ICA1: variants seen among roughly 807,000 people sequenced by gnomAD.
ICA1 encodes the protein islet cell autoantigen 1, also known as 69 kDa islet cell autoantigen.
In ICA1, 40 loss-of-function variants were observed where a neutral mutation model predicts 71.0. That is an observed-to-expected ratio of 0.56 (90% CI 0.44 to 0.73). The LOEUF (loss-of-function observed/expected upper bound fraction) is 0.73. ICA1 is among the 30% of genes least tolerant of loss of function. The probability of loss-of-function intolerance (pLI) is 0.00; values close to 1 mark genes in which losing one functional copy is unlikely to be tolerated. For missense variants in ICA1, 578 were observed against 576.5 expected (o/e 1.00, Z -0.03); for synonymous variants, 207 against 209.5 (o/e 0.99, Z 0.10).
intron 6 of ICA1, among the ~76,000 whole-genome samples, chr7:8,203,055 G>T (rs567382602): frequency 1.5e-4 from 23 of 152,250 alleles, no homozygotes; most frequent in Admixed American, 5.2e-4. Flanking sequence ...CTAACCTGGG[G>T]CTCCATTCTA....
At chr7:8,137,798 G>A (rs980531651) in intron 12 of ICA1, among the ~76,000 whole-genome samples, 1 of 152,222 alleles carries the variant, frequency 6.6e-6, no homozygotes, top group Non-Finnish European at 1.5e-5. Context: ...TGCTAGAGGT[G>A]CGGTGCCTTT....
intron 12 of ICA1, among the ~76,000 whole-genome samples, chr7:8,134,274 A>C (rs1226473403): frequency 1.3e-5 from 2 of 152,188 alleles, no homozygotes; most frequent in African/African-American, 4.8e-5. Flanking sequence ...TCCTGAACCA[A>C]TGAGCAATAT....
intron 12 of ICA1, among the ~76,000 whole-genome samples, chr7:8,133,528 C>T (rs767999290): frequency 2.6e-5 from 4 of 152,242 alleles, no homozygotes; most frequent in African/African-American, 9.6e-5. Context: ...GGATTACAGG[C>T]ATGAGCCCTT....
intron 2 of ICA1, 122 bp from the exon 3 acceptor site, chr7:8,232,877 C>T (rs983298702): frequency 2.1e-5 from 17 of 797,888 alleles, no homozygotes; most frequent in Admixed American, 3.4e-5. Flanking sequence ...CATTGATAAA[C>T]GTATGAGCAC....
At chr7:8,153,960 C>G (rs1488395163) in intron 8 of ICA1, among the ~76,000 whole-genome samples, 1 of 151,004 alleles carries the variant, frequency 6.6e-6, no homozygotes, top group Non-Finnish European at 1.5e-5. Context: ...AGTTTCTCTG[C>G]CTTAAACTTG....
intron 4 of ICA1, among the ~76,000 whole-genome samples, chr7:8,225,192 T>C (rs1798241744): frequency 6.6e-6 from 1 of 152,198 alleles, no homozygotes; most frequent in African/African-American, 2.4e-5. Context: ...CACTGTGGTG[T>C]TTGCCTAATG....
chr7:8,206,915 G>A (rs111661505), intron 6 of ICA1, among the ~76,000 whole-genome samples: 1,585 of 152,134 alleles, frequency 0.01, 22 homozygotes, highest in African/African-American at 0.036. Flanking sequence ...AAGTCCGTTC[G>A]CCTGAACCTC....
intron 6 of ICA1, among the ~76,000 whole-genome samples, chr7:8,212,536 G>C (rs185810665): frequency 3.9e-4 from 59 of 152,272 alleles, no homozygotes; most frequent in Non-Finnish European, 7.1e-4. Context: ...CTGCACTCCA[G>C]CCTGGGAGAC....
intron 13 of ICA1, among the ~76,000 whole-genome samples, chr7:8,127,536 G>A (rs966731715): frequency 1.3e-5 from 2 of 152,168 alleles, no homozygotes; most frequent in East Asian, 1.9e-4. Flanking sequence ...GGAACGTGGT[G>A]AACTCAGGGC....
chr7:8,136,680 TGA>T (rs1793537748), intron 12 of ICA1, among the ~76,000 whole-genome samples: 1 of 152,182 alleles, frequency 6.6e-6, no homozygotes. Context: ...TGACTTTAAC[TGA>T]GACAATGTGC....
At chr7:8,237,455 T>C (rs951609596) in intron 1 of ICA1, among the ~76,000 whole-genome samples, 1 of 152,224 alleles carries the variant, frequency 6.6e-6, no homozygotes, top group African/African-American at 2.4e-5. Flanking sequence ...ATTTTTATTA[T>C]GGTAAAAAAG....
chr7:8,169,705 A>G (rs1807545696), intron 6 of ICA1, among the ~76,000 whole-genome samples: 1 of 152,104 alleles, frequency 6.6e-6, no homozygotes, highest in South Asian at 2.1e-4. Flanking sequence ...TCTTTTTATT[A>G]CTGAATTTTA....
chr7:8,124,362 G>A (rs560093447), intron 13 of ICA1, among the ~76,000 whole-genome samples: 34 of 150,290 alleles, frequency 2.3e-4, no homozygotes, highest in African/African-American at 7.4e-4. Flanking sequence ...CTCATGATCC[G>A]CCCACCTCGG....
At chr7:8,124,622 A>T (rs1381628854) in intron 13 of ICA1, among the ~76,000 whole-genome samples, 3 of 152,172 alleles carry the variant, frequency 2.0e-5, no homozygotes, top group Non-Finnish European at 2.9e-5. Context: ...CTGAACTGGG[A>T]GCACCTGCTG....
intron 4 of ICA1, 142 bp from the exon 5 acceptor site, chr7:8,221,540 A>G (rs780077215): frequency 1.7e-5 from 15 of 859,044 alleles, no homozygotes; most frequent in Non-Finnish European, 2.7e-5. Flanking sequence ...GCTACAGGGT[A>G]AGCTCCCCCT....
At chr7:8,175,030 G>T (rs991812869) in intron 6 of ICA1, among the ~76,000 whole-genome samples, 2 of 152,098 alleles carry the variant, frequency 1.3e-5, no homozygotes, top group Non-Finnish European at 2.9e-5. Context: ...CCATCTGGAG[G>T]GCAAAAGAGA....
chr7:8,215,050 G>C (rs1355314362), intron 6 of ICA1, among the ~76,000 whole-genome samples: 2 of 152,014 alleles, frequency 1.3e-5, no homozygotes, highest in African/African-American at 4.8e-5. Flanking sequence ...AAGCCTCCCA[G>C]TAGTTCTCCC....
intron 6 of ICA1, among the ~76,000 whole-genome samples, chr7:8,211,062 G>A (rs1298516412): frequency 6.6e-6 from 1 of 152,172 alleles, no homozygotes; most frequent in African/African-American, 2.4e-5. Flanking sequence ...GTCATACCTG[G>A]AGACTCCTGT....
intron 1 of ICA1, among the ~76,000 whole-genome samples, chr7:8,253,630 AT>A: frequency 6.6e-6 from 1 of 152,204 alleles, no homozygotes; most frequent in South Asian, 2.1e-4. Context: ...ATATTTTTAT[AT>A]TTAAGTACAT....
Sources: gnomAD v4.1 joint callset for allele counts (sites outside exome capture counted in the v4.1 genomes callset) on GRCh38, gnomAD v4.1.1 for gene constraint, MANE v1.5 for transcripts, NCBI Gene and HGNC (gene_info 2026-07-23, HGNC 2026-07-21) for gene names.